KMT2E: variants seen among roughly 807,000 people sequenced by gnomAD.
The protein encoded by KMT2E is lysine methyltransferase 2E (inactive), also known as histone reader KMT2E.
In KMT2E, 30 loss-of-function variants were observed where a neutral mutation model predicts 184.6. The observed-to-expected ratio is 0.16, with a 90% CI of 0.12 to 0.22. KMT2E has a LOEUF of 0.22. Ranked by LOEUF, KMT2E falls within the 10% of genes least tolerant of loss-of-function variation. The probability of loss-of-function intolerance (pLI) is 1.00; values close to 1 mark genes in which losing one functional copy is unlikely to be tolerated. For missense variants in KMT2E, 2,023 were observed against 2,237.4 expected (o/e 0.90, Z 1.93); for synonymous variants, 815 against 776.5 (o/e 1.05, Z -0.82).
At chr7:105,088,189 A>G (rs1190156470) in intron 13 of KMT2E, among the ~76,000 whole-genome samples, 1 of 152,136 alleles carries the variant, frequency 6.6e-6, no homozygotes, top group Non-Finnish European at 1.5e-5. Flanking sequence ...GTAACCTTGG[A>G]CCAATTTCTT....
intron 3 of KMT2E, among the ~76,000 whole-genome samples, chr7:105,060,254 A>C (rs976894823): frequency 6.6e-6 from 1 of 151,680 alleles, no homozygotes; most frequent in African/African-American, 2.4e-5. Flanking sequence ...CTGCCTCCCA[A>C]AGTGCTGGGA....
intron 12 of KMT2E, among the ~76,000 whole-genome samples, chr7:105,079,909 C>G (rs1243770940): frequency 6.6e-6 from 1 of 151,788 alleles, no homozygotes; most frequent in Non-Finnish European, 1.5e-5. Flanking sequence ...TCATGGCTCA[C>G]TGGAGCCTCA....
At chr7:105,098,707 A>C (rs1218854576) in intron 15 of KMT2E, among the ~76,000 whole-genome samples, 1 of 151,872 alleles carries the variant, frequency 6.6e-6, no homozygotes, top group African/African-American at 2.4e-5. Flanking sequence ...CCCAGCCTAA[A>C]TTTTTTTGTG....
chr7:105,052,172 T>TTATC (rs1297046289), intron 3 of KMT2E, among the ~76,000 whole-genome samples: 1 of 152,230 alleles, frequency 6.6e-6, no homozygotes, highest in Non-Finnish European at 1.5e-5. Context: ...CACTATTCTC[T>TTATC]TATCTCACTA....
chr7:105,102,389 G>A (rs143839220), intron 17 of KMT2E, 195 bp downstream of exon 17: 3 of 445,738 alleles, frequency 6.7e-6, no homozygotes, highest in African/African-American at 4.1e-5. Context: ...TGAAGATAAA[G>A]TTACATTCAG....
intron 15 of KMT2E, among the ~76,000 whole-genome samples, chr7:105,099,651 T>C (rs1013752319): frequency 6.6e-6 from 1 of 152,200 alleles, no homozygotes; most frequent in South Asian, 2.1e-4. Context: ...AGGATAATCA[T>C]ACTACAAAAA....
chr7:105,059,011 A>C (rs977294648), intron 3 of KMT2E, among the ~76,000 whole-genome samples: 7 of 152,220 alleles, frequency 4.6e-5, no homozygotes, highest in African/African-American at 1.7e-4. Context: ...GTAAGATATC[A>C]AAATTATGTA....
At chr7:105,090,829 C>T in intron 14 of KMT2E, among the ~76,000 whole-genome samples, 1 of 152,124 alleles carries the variant, frequency 6.6e-6, no homozygotes, top group East Asian at 1.9e-4. Flanking sequence ...AGGTTTTGCT[C>T]ATTTCCAGGG....
At chr7:105,026,361 G>C (rs1055687046) in intron 1 of KMT2E, among the ~76,000 whole-genome samples, 1 of 152,158 alleles carries the variant, frequency 6.6e-6, no homozygotes, top group East Asian at 1.9e-4. Context: ...AAGATCCAAA[G>C]ACCTTTGTTG....
intron 13 of KMT2E, among the ~76,000 whole-genome samples, chr7:105,086,042 AT>A (rs955223097): frequency 1.3e-5 from 2 of 152,166 alleles, no homozygotes; most frequent in African/African-American, 4.8e-5. Flanking sequence ...AATTTTGTAT[AT>A]TTTTAAACTT....
At chr7:105,024,557 A>G (rs1562875216) in intron 1 of KMT2E, among the ~76,000 whole-genome samples, 1 of 152,204 alleles carries the variant, frequency 6.6e-6, no homozygotes. Flanking sequence ...TATTAAAATG[A>G]ACATTCTCAG....
chr7:105,044,838 G>C (rs144813315), intron 3 of KMT2E, among the ~76,000 whole-genome samples: 1 of 152,098 alleles, frequency 6.6e-6, no homozygotes, highest in Non-Finnish European at 1.5e-5. Flanking sequence ...TGATATCTCT[G>C]AGGGAAAGGA....
chr7:105,101,536 G>A lies in KMT2E; in HGVS notation c.1834G>A (p.Val612Ile). The A allele has an allele frequency of 6.3e-7, 1 of 1,586,142 alleles. No homozygotes were observed. Among genetic ancestry groups the A allele is most frequent in the East Asian group, 2.3e-5 (1 of 43,442 alleles). ...AAGGATCAGCACAGCCAAAACTGAA[G>A]TTAAAACTGAATGTAAAGATACACA... is the stretch of plus-strand genomic sequence containing the variant. ...LERISTAKTE[V>I]KTECKDTQIV... is the part of the protein sequence containing the mutation. The change falls in exon 16 of 27, where the codon GTT (valine) becomes ATT (isoleucine). Residue 612 changes from valine to isoleucine, a missense_variant. Physicochemically the swap from Val to Ile is conservative, Grantham distance 29 (BLOSUM62 3). Transcript: ENST00000311117.
intron 3 of KMT2E, 22 bp downstream of exon 3, chr7:105,041,045 A>G (rs752136136): frequency 1.5e-6 from 2 of 1,354,814 alleles, no homozygotes; most frequent in South Asian, 1.3e-5. Context: ...AATTGGTTAC[A>G]TAAGCAAAAA....
chr7:105,065,440 G>A (rs1349379984), intron 5 of KMT2E, among the ~76,000 whole-genome samples: 2 of 152,050 alleles, frequency 1.3e-5, no homozygotes, highest in Non-Finnish European at 2.9e-5. Context: ...CAGTTGAAAA[G>A]TAAAGAACAA....
chr7:105,076,140 C>G (rs1470357077), intron 9 of KMT2E, 59 bp downstream of exon 9: 5 of 1,163,152 alleles, frequency 4.3e-6, no homozygotes, highest in Non-Finnish European at 6.4e-6. Flanking sequence ...GAGCTACATG[C>G]TTGCTTGACC....
At position 105,112,111 on chromosome 7, in the gene KMT2E, A is replaced by G; in HGVS notation, c.4355A>G (p.Lys1452Arg). 6.2e-7 allele frequency: 1 copy of G among 1,614,092 alleles called. No individual in the cohort carries two copies. Among genetic ancestry groups the G allele is most frequent in the Non-Finnish European group, 8.5e-7 (1 of 1,180,016 alleles). ...TCACCTCACCTAGAAAATCCTCCAA[A>G]GTCATCCACGCCTCACACACCTGTA... ...PPSPHLENPP[K>R]SSTPHTPVQH... The change falls in exon 27 of 27, where the codon AAG becomes AGG. Residue 1452 changes from lysine (K) to arginine (R), a missense_variant. Physicochemically the swap from Lys to Arg is conservative, Grantham distance 26. Around this residue, in one of 8 missense-constraint regions of KMT2E, gnomAD observed 1,108 missense variants for 1,050.9 expected, o/e 1.05. Coordinates refer to ENST00000311117, the MANE Select transcript of KMT2E (RefSeq NM_182931.3).
chr7:105,051,087 T>G (rs1402439655), intron 3 of KMT2E, among the ~76,000 whole-genome samples: 2 of 139,420 alleles, frequency 1.4e-5, no homozygotes, highest in Non-Finnish European at 3.2e-5. Context: ...TCTTCTTTCT[T>G]TCTTTTTTCT....
rs759958996 is a variant in KMT2E at position 105,105,844 on chromosome 7, TTC to T, written c.2452-13_2452-12del. The T allele has an allele frequency of 2.5e-6, 4 of 1,605,048 alleles. No homozygotes were observed. The highest frequency in any genetic ancestry group is 2.2e-5 in the East Asian group (1 of 44,804). The stretch of plus-strand genomic sequence containing the variant: ...AAAGTGATTCCTGTTCATTCATGTA[TTC>T]TGTTTTATTCAGCGATGGTTGAAAC... On this transcript the variant is annotated splice_polypyrimidine_tract_variant and intron_variant, in intron 18 of 26. Transcript: ENST00000311117.
Sources: gnomAD v4.1 joint callset for allele counts (sites outside exome capture counted in the v4.1 genomes callset) on GRCh38, gnomAD v4.1.1 for gene constraint, gnomAD v4.1.1 regional missense constraint, MANE v1.5 for transcripts, NCBI Gene and HGNC (gene_info 2026-07-23, HGNC 2026-07-21) for gene names.